The following MCTP1 variants were observed in gnomAD, a reference collection of about 807,000 sequenced individuals.
MCTP1 encodes the protein multiple C2 and transmembrane domain containing 1.
Under a neutral mutation model 120.6 loss-of-function variants are expected in MCTP1, and 69 were observed. The ratio of observed to expected loss-of-function variants is 0.57; its 90% CI spans 0.47 to 0.70. The LOEUF is 0.70. Ranked by LOEUF, MCTP1 falls within the 30% of genes least tolerant of loss-of-function variation. The pLI is 0.00. For synonymous variants in MCTP1, 529 were observed against 493.1 expected (o/e 1.07, Z -0.96); for missense variants, 1,203 against 1,248.8 (o/e 0.96, Z 0.55).
At chr5:95,168,031 C>T (rs1187955115) in intron 1 of MCTP1, among the ~76,000 whole-genome samples, 1 of 152,180 alleles carries the variant, frequency 6.6e-6, no homozygotes, top group East Asian at 1.9e-4. Flanking sequence ...GGTTTTAGGT[C>T]TAACATTTAA....
At chr5:95,096,849 C>G (rs1418592478) in intron 1 of MCTP1, among the ~76,000 whole-genome samples, 1 of 152,060 alleles carries the variant, frequency 6.6e-6, no homozygotes, top group Non-Finnish European at 1.5e-5. Flanking sequence ...AAAATAGCTC[C>G]CAAGCCATCA....
At chr5:95,105,654 T>C (rs1403928009) in intron 1 of MCTP1, among the ~76,000 whole-genome samples, 2 of 152,016 alleles carry the variant, frequency 1.3e-5, no homozygotes, top group African/African-American at 2.4e-5. Flanking sequence ...GCAGAGAAGG[T>C]TGGAGCCCTA....
intron 19 of MCTP1, chr5:94,739,223 A>T (rs941813026): frequency 6.6e-6 from 1 of 152,218 alleles, no homozygotes; most frequent in Admixed American, 6.5e-5. Context: ...AAATACATCA[A>T]TTCTAAGTAG....
chr5:94,896,171 CTG>C (rs1803934234), intron 10 of MCTP1, among the ~76,000 whole-genome samples: 1 of 152,082 alleles, frequency 6.6e-6, no homozygotes, highest in Non-Finnish European at 1.5e-5. Context: ...CTGGAACAAA[CTG>C]AGGTTAAAAA....
intron 19 of MCTP1, among the ~76,000 whole-genome samples, chr5:94,753,292 C>T (rs1768932660): frequency 6.6e-6 from 1 of 152,202 alleles, no homozygotes; most frequent in African/African-American, 2.4e-5. Context: ...CTAGGAAACA[C>T]CTTTTCTCCT....
In MCTP1 at chr5:95,102,855, T is replaced by C. The variant is rs190964246; in HGVS notation, c.721-85371A>G. On this transcript the variant is annotated intron_variant, in intron 1 of 22. Transcript: ENST00000515393. ...CAATGTGTAGGTAAGTGTGCACTTA[T>C]TAACAAACTGCTTGGGAAACTGGAA... Among the ~76,000 whole-genome samples, 416 of 152,290 alleles carry C rather than the reference T, an allele frequency of 2.7e-3. 4 individuals carry two copies. The highest frequency in any genetic ancestry group is 5.6e-3 in the South Asian group (27 of 4,828).
intron 1 of MCTP1, among the ~76,000 whole-genome samples, chr5:95,172,283 G>T (rs912688192): frequency 6.6e-6 from 1 of 152,164 alleles, no homozygotes; most frequent in Non-Finnish European, 1.5e-5. Flanking sequence ...GTCTCAGAGG[G>T]GTACCTGGCC....
chr5:94,871,540 T>C (rs2153311513), intron 13 of MCTP1, 123 bp from the exon 14 acceptor site: 2 of 672,652 alleles, frequency 3.0e-6, no homozygotes, highest in East Asian at 5.4e-5. Context: ...GCTATTTGCA[T>C]ACACACATAT....
intron 10 of MCTP1, among the ~76,000 whole-genome samples, chr5:94,903,341 T>C (rs920110771): frequency 6.6e-6 from 1 of 152,058 alleles, no homozygotes; most frequent in Non-Finnish European, 1.5e-5. Context: ...ATCTATGGAG[T>C]GTCAAATGCT....
intron 19 of MCTP1, among the ~76,000 whole-genome samples, chr5:94,732,537 G>T (rs1349706093): frequency 2.6e-5 from 4 of 152,102 alleles, no homozygotes; most frequent in Non-Finnish European, 5.9e-5. Flanking sequence ...AATCATCCTG[G>T]TGCTATAGAC....
At chr5:94,814,014 T>C (rs1265156323) in intron 17 of MCTP1, among the ~76,000 whole-genome samples, 5 of 152,014 alleles carry the variant, frequency 3.3e-5, no homozygotes, top group Non-Finnish European at 7.4e-5. Context: ...AACACATTAG[T>C]GGTTTCCAGG....
chr5:94,868,579 CCAAA>C (rs1265470715), intron 16 of MCTP1, 127 bp from the exon 17 acceptor site: 1 of 602,400 alleles, frequency 1.7e-6, no homozygotes, highest in Non-Finnish European at 2.5e-6. Context: ...CAAGAAAATA[CCAAA>C]CAATTTGGCT....
chr5:95,123,325 TA>T (rs1758377462), intron 1 of MCTP1, among the ~76,000 whole-genome samples: 2 of 151,934 alleles, frequency 1.3e-5, no homozygotes, highest in African/African-American at 4.8e-5. Context: ...ATATAATATG[TA>T]AAGAGTCTGA....
At chr5:94,809,153 A>T (rs1782945487) in intron 17 of MCTP1, among the ~76,000 whole-genome samples, 2 of 152,192 alleles carry the variant, frequency 1.3e-5, no homozygotes, top group African/African-American at 4.8e-5. Flanking sequence ...GGAGCTATCA[A>T]CTAATCATAG....
chr5:95,019,118 CT>C (rs1394287219), intron 1 of MCTP1, among the ~76,000 whole-genome samples: 1 of 151,984 alleles, frequency 6.6e-6, no homozygotes, highest in Admixed American at 6.6e-5. Context: ...ACAGATCTTT[CT>C]CTTTCAAATG....
intron 1 of MCTP1, among the ~76,000 whole-genome samples, chr5:95,099,599 C>A (rs1304218453): frequency 6.7e-6 from 1 of 148,784 alleles, no homozygotes; most frequent in Non-Finnish European, 1.5e-5. Context: ...GTTAGAATGG[C>A]AATCATTAAA....
chr5:95,214,163 T>A (rs573815851), intron 1 of MCTP1, among the ~76,000 whole-genome samples: 117 of 152,320 alleles, frequency 7.7e-4, no homozygotes, highest in African/African-American at 2.7e-3. Context: ...CAAACAAATT[T>A]ACAAGAAAAA....
rs568196356 is a variant in MCTP1 at position 95,129,648 on chromosome 5, C to G, written c.721-112164G>C. ...TGAGGGCTCAGAGAGAACAAAAAGGCAGAGGATGGGCACATTTTCTTTTTT... is the reference window on the plus strand; with the variant it reads ...TGAGGGCTCAGAGAGAACAAAAAGGGAGAGGATGGGCACATTTTCTTTTTT... On this transcript the variant is annotated intron_variant, in intron 1 of 22. Transcript: ENST00000515393. 5.3e-5 allele frequency among the ~76,000 whole-genome samples: 8 copies of G among 151,464 alleles called. No individual in the cohort carries two copies. The East Asian group carries it at 1.6e-3, about 30-fold the overall frequency.
chr5:95,131,667 T>C (rs923937181), intron 1 of MCTP1, among the ~76,000 whole-genome samples: 47 of 152,212 alleles, frequency 3.1e-4, no homozygotes, highest in Non-Finnish European at 3.5e-4. Flanking sequence ...CATTTACTCT[T>C]TATCTCTCTA....
Sources: allele counts gnomAD v4.1 joint callset (sites outside exome capture counted in the v4.1 genomes callset), GRCh38; gene constraint gnomAD v4.1.1; transcripts MANE v1.5; gene names NCBI Gene and HGNC (gene_info 2026-07-23, HGNC 2026-07-21).